Variants in ARHGAP11B observed in about 807,000 individuals in gnomAD.
ARHGAP11B encodes the protein Rho GTPase activating protein 11B, also known as inactive Rho GTPase-activating protein 11B.
Under a neutral mutation model 27.6 loss-of-function variants are expected in ARHGAP11B, and 14 were observed. The ratio of observed to expected loss-of-function variants is 0.51; its 90% confidence interval spans 0.34 to 0.79. ARHGAP11B has a LOEUF of 0.79. ARHGAP11B is among the 30% of genes least tolerant of loss of function. ARHGAP11B has a pLI of 0.02. For synonymous variants in ARHGAP11B, 82 were observed against 114.1 expected (o/e 0.72, Z 1.80); for missense variants, 245 against 320.1 (o/e 0.77, Z 1.79).
Position 30,635,635 on chromosome 15 carries a change from T to C in ARHGAP11B, c.*3+2T>C, listed in dbSNP as rs780843342. On this transcript the variant is annotated splice_donor_variant, in intron 6 of 10. Coordinates refer to ENST00000428041, the Ensembl canonical transcript of ARHGAP11B. LOFTEE classifies it low-confidence loss of function (3UTR_SPLICE). ...GAAAGAGAAGACAACGTGTAGGAGG[T>C]AAGTGGTGGTCCCATTTTATGGAGG... 6.2e-7 allele frequency: 1 copy of C among 1,613,186 alleles called. No homozygotes were observed. The highest frequency in any genetic ancestry group is 1.3e-5 in the African/African-American group (1 of 74,934).
Position 30,635,200 on chromosome 15 carries a change from G to A in ARHGAP11B, c.660+12G>A, listed in dbSNP as rs1226655007. 2 of 1,611,762 alleles carry A rather than the reference G, an allele frequency of 1.2e-6. No individual in the cohort carries two copies. The highest frequency in any genetic ancestry group is 1.3e-5 in the African/African-American group (1 of 74,526). Reference sequence around the variant, plus strand: ...ACGCAGAAAAGAAGGTACGATTACAGGCTGCAGTAGTACAGACTCTTATCG... The same window carrying A: ...ACGCAGAAAAGAAGGTACGATTACAAGCTGCAGTAGTACAGACTCTTATCG... On this transcript the variant is annotated intron_variant, in intron 5 of 10. Transcript: ENST00000428041.
intron 8 of ARHGAP11B, among the ~76,000 whole-genome samples, chr15:30,645,549 T>G (rs1195362238): frequency 6.6e-6 from 1 of 152,062 alleles, no homozygotes; most frequent in East Asian, 1.9e-4. Context: ...ATTTAGGAAA[T>G]TATATTTACA....
rs918809409 is a variant in ARHGAP11B, at chr15:30,627,566, A to AT, written c.129+628dup. 4.4e-3 allele frequency among the ~76,000 whole-genome samples: 652 copies of AT among 147,906 alleles called. 21 individuals are homozygous for AT. The East Asian group carries it at 0.082, about 19-fold the overall frequency. The stretch of plus-strand genomic sequence containing the variant: ...GCCATATCATACTTTTGGGACAGCA[A>AT]TTTTTTTTTTTGTATGAGTAAATTG... On this transcript the variant is annotated intron_variant, in intron 1 of 10. Transcript: ENST00000428041.
chr15:30,630,516 A>T (rs939475940), intron 1 of ARHGAP11B, among the ~76,000 whole-genome samples, 187 bp from the exon 2 acceptor site: 1 of 152,018 alleles, frequency 6.6e-6, no homozygotes, highest in Admixed American at 6.6e-5. Flanking sequence ...AGCACTCAGC[A>T]TACTATCTAA....
chr15:30,643,954 G>A (rs1429434596), intron 7 of ARHGAP11B, among the ~76,000 whole-genome samples: 2 of 151,922 alleles, frequency 1.3e-5, no homozygotes, highest in South Asian at 2.1e-4. Context: ...TTCTCAAATT[G>A]TGCACTTTCC....
chr15:30,635,004 T>G lies in ARHGAP11B; in HGVS notation c.552-76T>G, dbSNP rs565827028. On this transcript the variant is annotated intron_variant, in intron 4 of 10. Transcript: ENST00000428041. Reference sequence around the variant, plus strand: ...ATGACTGATAATAAAGTCTTCAAAATGTACTACATACGTTATTTTAACTCT... The same window carrying G: ...ATGACTGATAATAAAGTCTTCAAAAGGTACTACATACGTTATTTTAACTCT... 5 of 1,504,614 alleles carry G rather than the reference T, an allele frequency of 3.3e-6. No homozygotes were observed. In the African/African-American group the frequency reaches 5.5e-5, roughly 17 times the overall value. 93.2% of individuals were successfully genotyped at this position (1,504,614 alleles called of 1,614,324 possible). A position where few individuals can be genotyped will look rare whatever the true frequency, so the allele number is the denominator to read the frequency against.
intron 1 of ARHGAP11B, among the ~76,000 whole-genome samples, chr15:30,629,501 C>G (rs2060230999): frequency 6.6e-6 from 1 of 151,926 alleles, no homozygotes; most frequent in Non-Finnish European, 1.5e-5. Context: ...TGCAGTGAGC[C>G]GAGATTGTGC....
At chr15:30,647,457 G>T (rs1169587684) in intron 9 of ARHGAP11B, among the ~76,000 whole-genome samples, 2 of 151,852 alleles carry the variant, frequency 1.3e-5, no homozygotes, top group Non-Finnish European at 2.9e-5. Flanking sequence ...ATATAAAGTG[G>T]TAGGAGAAAC....
rs372915298 is a variant in ARHGAP11B, at chr15:30,635,233, A to G, written c.660+45A>G. 2.4e-5 allele frequency: 39 copies of G among 1,603,656 alleles called. No individual in the cohort carries two copies. The African/African-American group carries it at 4.3e-4, about 18-fold the overall frequency. ...TAGTACAGACTCTTATCGATTATGCATCAGATATTGGTAAGATGTAGTTGC... is the reference window on the plus strand; with the variant it reads ...TAGTACAGACTCTTATCGATTATGCGTCAGATATTGGTAAGATGTAGTTGC... On this transcript the variant is annotated intron_variant, in intron 5 of 10. Transcript: ENST00000428041.
chr15:30,628,544 A>T (rs1206404814), intron 1 of ARHGAP11B, among the ~76,000 whole-genome samples: 1 of 151,820 alleles, frequency 6.6e-6, no homozygotes, highest in Non-Finnish European at 1.5e-5. Context: ...TTCTCCTTGG[A>T]TTATTTAGGG....
exon 9 of ARHGAP11B, chr15:30,646,249 T>G (rs2060347103): frequency 9.7e-7 from 1 of 1,034,708 alleles, no homozygotes; most frequent in Non-Finnish European, 1.2e-6. Flanking sequence ...TTGTGCATGG[T>G]GGCTGGTCAC....
intron 1 of ARHGAP11B, 119 bp from the exon 2 acceptor site, chr15:30,630,584 A>G: frequency 6.5e-7 from 1 of 1,544,848 alleles, no homozygotes; most frequent in Non-Finnish European, 8.8e-7. Context: ...CTTGATTGAT[A>G]GTTTATCATT....
chr15:30,634,991 A>G (rs2060269840), intron 4 of ARHGAP11B, 89 bp from the exon 5 acceptor site: 2 of 1,455,560 alleles, frequency 1.4e-6, no homozygotes, highest in Admixed American at 1.8e-5. Flanking sequence ...GACTGATAAT[A>G]AAGTCTTCAA....
intron 6 of ARHGAP11B, among the ~76,000 whole-genome samples, chr15:30,636,040 G>A (rs1430737798): frequency 2.0e-5 from 3 of 151,048 alleles, no homozygotes; most frequent in African/African-American, 7.3e-5. Flanking sequence ...AGATAGCGCA[G>A]TATGACTTGA....
At chr15:30,627,363 G>T (rs2060216442) in intron 1 of ARHGAP11B, among the ~76,000 whole-genome samples, 1 of 152,006 alleles carries the variant, frequency 6.6e-6, no homozygotes, top group Non-Finnish European at 1.5e-5. Flanking sequence ...CAGGTAGTAC[G>T]TTGGGAGGGA....
chr15:30,643,811 T>C (rs1784857254), intron 7 of ARHGAP11B, among the ~76,000 whole-genome samples: 1 of 152,066 alleles, frequency 6.6e-6, no homozygotes, highest in East Asian at 1.9e-4. Flanking sequence ...GTAAAGGTTT[T>C]AAGAAATATT....
intron 1 of ARHGAP11B, among the ~76,000 whole-genome samples, chr15:30,628,182 G>C (rs1023852520): frequency 2.0e-5 from 3 of 151,334 alleles, no homozygotes; most frequent in African/African-American, 7.3e-5. Context: ...CCGGGTTCAC[G>C]CCATTCTCCT....
chr15:30,634,112 T>A, intron 3 of ARHGAP11B, 58 bp from the exon 4 acceptor site: 5 of 1,603,248 alleles, frequency 3.1e-6, no homozygotes, highest in Non-Finnish European at 4.3e-6. Flanking sequence ...AAAAGATTCT[T>A]TATTTGCAAT....
At chr15:30,629,860 C>A (rs893889880) in intron 1 of ARHGAP11B, among the ~76,000 whole-genome samples, 3 of 152,058 alleles carry the variant, frequency 2.0e-5, no homozygotes, top group African/African-American at 7.2e-5. Flanking sequence ...ATTATGCATA[C>A]CCACTTAAGT....
Sources: allele counts gnomAD v4.1 joint callset (sites outside exome capture counted in the v4.1 genomes callset), GRCh38; gene constraint gnomAD v4.1.1; transcripts MANE v1.5; gene names NCBI Gene and HGNC (gene_info 2026-07-23, HGNC 2026-07-21).